The following ARHGEF37 variants were observed in gnomAD, a reference collection of about 807,000 sequenced individuals.
ARHGEF37 encodes Rho guanine nucleotide exchange factor 37.
ARHGEF37 carries 55 observed loss-of-function variants against 71.1 expected under a neutral mutation model. The observed-to-expected ratio is 0.77, with a 90% confidence interval of 0.62 to 0.97. ARHGEF37 has a LOEUF of 0.97. Among genes scored for constraint, ARHGEF37 ranks in the 50% least tolerant of loss-of-function variants. The pLI is 0.00. For missense variants in ARHGEF37, 765 were observed against 836.8 expected, an observed-to-expected ratio of 0.91 and a Z score of 1.06; for synonymous variants, 327 against 350.6, an observed-to-expected ratio of 0.93 and a Z score of 0.75.
intron 3 of ARHGEF37, among the ~76,000 whole-genome samples, chr5:149,602,715 T>C (rs1291977389): frequency 1.3e-5 from 2 of 152,058 alleles, no homozygotes; most frequent in Non-Finnish European, 2.9e-5. Context: ...TCTCATCCCA[T>C]CTGCTGCCAG....
intron 1 of ARHGEF37, among the ~76,000 whole-genome samples, chr5:149,583,675 A>T (rs745345165): frequency 6.6e-6 from 1 of 152,196 alleles, no homozygotes. Context: ...ATGTGTTTTC[A>T]TGTGCTGTAA....
intron 8 of ARHGEF37, among the ~76,000 whole-genome samples, chr5:149,620,702 G>A (rs1421852211): frequency 2.0e-5 from 3 of 151,828 alleles, no homozygotes; most frequent in African/African-American, 7.3e-5. Context: ...ATGGCAGTGT[G>A]CACCTGTAGT....
intron 1 of ARHGEF37, among the ~76,000 whole-genome samples, chr5:149,571,258 T>G (rs1050435210): frequency 9.9e-5 from 15 of 151,656 alleles, no homozygotes; most frequent in African/African-American, 3.6e-4. Context: ...TGTTTTGTTT[T>G]GTTTTGCTTC....
intron 2 of ARHGEF37, among the ~76,000 whole-genome samples, chr5:149,600,805 A>G (rs540145741): frequency 1.3e-5 from 2 of 152,072 alleles, no homozygotes; most frequent in East Asian, 3.9e-4. Context: ...ATGCCGAGCT[A>G]ATTTTTGTAT....
chr5:149,612,959 T>TA (rs1353387268), intron 4 of ARHGEF37, among the ~76,000 whole-genome samples: 1 of 152,174 alleles, frequency 6.6e-6, no homozygotes, highest in Non-Finnish European at 1.5e-5. Flanking sequence ...GCCAAGGGAA[T>TA]AAAAAAACTC....
chr5:149,623,926 T>C (rs1752607221), intron 9 of ARHGEF37, 86 bp from the exon 10 acceptor site: 10 of 1,487,886 alleles, frequency 6.7e-6, no homozygotes, highest in Admixed American at 2.1e-5. Flanking sequence ...ACTCCTTGGG[T>C]TGAAAATAAT....
intron 1 of ARHGEF37, among the ~76,000 whole-genome samples, chr5:149,558,057 G>A (rs1387345463): frequency 6.6e-6 from 1 of 152,026 alleles, no homozygotes; most frequent in African/African-American, 2.4e-5. Flanking sequence ...GTAGAGATGG[G>A]CAGAGACGGG....
intron 1 of ARHGEF37, among the ~76,000 whole-genome samples, chr5:149,559,250 G>C (rs1762798456): frequency 6.6e-6 from 1 of 152,134 alleles, no homozygotes; most frequent in Non-Finnish European, 1.5e-5. Flanking sequence ...GAACCCAGGA[G>C]GCAGAGGTTG....
chr5:149,573,134 C>G (rs1762988406), intron 1 of ARHGEF37, among the ~76,000 whole-genome samples: 1 of 152,130 alleles, frequency 6.6e-6, no homozygotes, highest in Non-Finnish European at 1.5e-5. Context: ...CCTGCAAGAA[C>G]TAATCCAGTC....
At chr5:149,566,492 T>C (rs1222098501) in intron 1 of ARHGEF37, among the ~76,000 whole-genome samples, 1 of 150,902 alleles carries the variant, frequency 6.6e-6, no homozygotes, top group Non-Finnish European at 1.5e-5. Flanking sequence ...AGCGAGACTG[T>C]CTCAACCCCC....
At chr5:149,598,319 CTTCTTCTTT>C (rs1188059012) in intron 2 of ARHGEF37, among the ~76,000 whole-genome samples, 12 of 147,866 alleles carry the variant, frequency 8.1e-5, no homozygotes, top group African/African-American at 2.3e-4. Flanking sequence ...TCTTCTTCTT[CTTCTTCTTT>C]CTTCCTCTTC....
At chr5:149,612,719 AT>A (rs1752233530) in intron 4 of ARHGEF37, among the ~76,000 whole-genome samples, 1 of 152,226 alleles carries the variant, frequency 6.6e-6, no homozygotes, top group Admixed American at 6.5e-5. Flanking sequence ...CTTGCAAGAC[AT>A]CCAGTGTACC....
At position 149,618,174 on chromosome 5, in the gene ARHGEF37, A is replaced by C. The variant is rs756721348; in HGVS notation, c.659-2A>C. ...TGCTTCCCCTCTTCTCTGTCGTTGC[A>C]GCCTCCAAGTACACCAAGGTAGAGC... is the stretch of plus-strand genomic sequence containing the variant. On this transcript the variant is annotated splice_acceptor_variant, in intron 5 of 12. Transcript: ENST00000333677. LOFTEE classifies it high-confidence loss of function. 1 of 1,614,070 alleles carries C rather than the reference A, an allele frequency of 6.2e-7. No homozygotes were observed. The highest frequency in any genetic ancestry group is 1.1e-5 in the South Asian group (1 of 91,068).
chr5:149,568,534 G>T (rs1453092542), intron 1 of ARHGEF37, among the ~76,000 whole-genome samples: 5 of 152,020 alleles, frequency 3.3e-5, no homozygotes, highest in Non-Finnish European at 7.4e-5. Flanking sequence ...CCCCTATCAA[G>T]ATACAATACA....
intron 3 of ARHGEF37, among the ~76,000 whole-genome samples, chr5:149,605,125 G>C (rs1763881071): frequency 6.6e-6 from 1 of 151,300 alleles, no homozygotes; most frequent in African/African-American, 2.4e-5. Flanking sequence ...TACTTGGGAG[G>C]CTGTGGCAGG....
At chr5:149,616,464 A>G (rs552762089) in intron 4 of ARHGEF37, 103 bp from the exon 5 acceptor site, 44 of 1,132,824 alleles carry the variant, frequency 3.9e-5, no homozygotes, top group Non-Finnish European at 5.1e-5. Context: ...GACTTGCCTG[A>G]GATCACACAG....
chr5:149,575,507 G>T (rs1035888345), intron 1 of ARHGEF37, among the ~76,000 whole-genome samples: 1 of 152,126 alleles, frequency 6.6e-6, no homozygotes. Context: ...AGCTATGCAC[G>T]TGGGATACTA....
rs1008475605 is a variant in ARHGEF37, at chr5:149,600,898, A to G, written c.187-210A>G. On this transcript the variant is annotated intron_variant, in intron 2 of 12. Coordinates refer to ENST00000333677, the MANE Select transcript of ARHGEF37 (RefSeq NM_001001669.3). ...ATGATCCACCCGCCTCATCTCCCCA[A>G]CGTGCTGGGATTACAGGCGTGAGCC... Among the ~76,000 whole-genome samples, 2 of 152,116 alleles carry G rather than the reference A, an allele frequency of 1.3e-5. No individual in the cohort carries two copies. The highest frequency in any genetic ancestry group is 1.9e-4 in the East Asian group (1 of 5,194).
chr5:149,557,687 T>C (rs1166805593), intron 1 of ARHGEF37, among the ~76,000 whole-genome samples: 2 of 152,188 alleles, frequency 1.3e-5, no homozygotes, highest in African/African-American at 4.8e-5. Context: ...GGAGTTGCTT[T>C]AGCTTCCACA....
Sources: allele counts gnomAD v4.1 joint callset (sites outside exome capture counted in the v4.1 genomes callset), GRCh38; gene constraint gnomAD v4.1.1; transcripts MANE v1.5; gene names NCBI Gene and HGNC (gene_info 2026-07-23, HGNC 2026-07-21).